Variants in ARSL observed in about 807,000 individuals in gnomAD.
The protein encoded by ARSL is arylsulfatase L, also known as arylsulfatase E (chondrodysplasia punctata 1).
A neutral mutation model predicts 31.1 loss-of-function variants in ARSL; 4 were observed. The ratio of observed to expected loss-of-function variants is 0.13; its 90% CI spans 0.06 to 0.29. The LOEUF is 0.29. Among genes scored for constraint, ARSL ranks in the 10% least tolerant of loss-of-function variants. ARSL has a pLI of 1.00. For missense variants in ARSL, 312 were observed against 497.8 expected (o/e 0.63, Z 3.55); for synonymous variants, 198 against 209.9 (o/e 0.94, Z 0.49).
chrX:2,938,769 TA>T (rs1168801656), intron 8 of ARSL, among the ~76,000 whole-genome samples: 16 of 111,683 alleles, frequency 1.4e-4, no homozygotes, highest in African/African-American at 5.2e-4. Flanking sequence ...TATTTGGAAA[TA>T]GGGGGTTTGC....
At chrX:2,963,861 G>T (rs753580731) in intron 1 of ARSL, among the ~76,000 whole-genome samples, 1 of 109,379 alleles carries the variant, frequency 9.1e-6, no homozygotes, top group Non-Finnish European at 1.9e-5. Flanking sequence ...TCTTTCTCCC[G>T]CAATGTTATG....
intron 1 of ARSL, among the ~76,000 whole-genome samples, chrX:2,961,435 G>C (rs1216763122): frequency 9.0e-6 from 1 of 111,605 alleles, no homozygotes; most frequent in East Asian, 2.8e-4. Context: ...GGGGTCTGGA[G>C]AGTCATGCCC....
Position 2,955,438 on chromosome X carries a change from C to G in ARSL, c.285G>C (p.Thr95=). The G allele has an allele frequency of 8.3e-7, 1 of 1,211,783 alleles. No homozygotes were observed. Among genetic ancestry groups the G allele is most frequent in the Non-Finnish European group, 1.1e-6 (1 of 895,362 alleles). Residue 95 remains threonine, a synonymous_variant, in exon 4 of 11, where the codon ACG becomes ACC. Coordinates refer to ENST00000381134, the MANE Select transcript of ARSL (RefSeq NM_000047.3). The stretch of plus-strand genomic sequence containing the variant: ...GACCTGATCGCACAGGGTATCTGCC[C>G]GTGAGGAAGGCGGCTCTGCTTGGGG... ...LCTPSRAAFL[T]GRYPVRSGMV...
In ARSL at chrX:2,938,008, A is replaced by C. The variant is rs1416572867; in HGVS notation, c.1289+87T>G. The C allele has an allele frequency of 3.4e-6, 4 of 1,175,913 alleles. No homozygotes were observed. The African/African-American group carries it at 7.0e-5, about 21-fold the overall frequency. Reference sequence around the variant, plus strand: ...CGGGGAACAATTTCAGGGACGCCTTACTGCAAAGCCAAAGTGACATGTTCA... The same window carrying C: ...CGGGGAACAATTTCAGGGACGCCTTCCTGCAAAGCCAAAGTGACATGTTCA... On this transcript the variant is annotated intron_variant, in intron 9 of 10. Coordinates refer to ENST00000381134, the MANE Select transcript of ARSL (RefSeq NM_000047.3).
At chrX:2,964,449 A>G (rs1043454547), upstream of ARSL, 8 of 750,641 alleles carry the variant, frequency 1.1e-5, no homozygotes, top group Non-Finnish European at 9.4e-6. Context: ...GCCCACGTCT[A>G]CCAAACCAGT....
chrX:2,945,060 G>A (rs1016450330), intron 7 of ARSL, among the ~76,000 whole-genome samples: 2 of 110,217 alleles, frequency 1.8e-5, no homozygotes, highest in African/African-American at 6.6e-5. Context: ...AGAGGAGGAG[G>A]AAAACAAAGG....
chrX:2,961,221 G>A (rs1259996832), intron 1 of ARSL, among the ~76,000 whole-genome samples: 1 of 111,382 alleles, frequency 9.0e-6, no homozygotes, highest in African/African-American at 3.3e-5. Flanking sequence ...GCACAGAGGG[G>A]CGGCCCCTCA....
At chrX:2,937,799 C>T (rs1386667518) in intron 9 of ARSL, among the ~76,000 whole-genome samples, 1 of 111,850 alleles carries the variant, frequency 8.9e-6, no homozygotes, top group East Asian at 2.8e-4. Flanking sequence ...TGCACGCTTA[C>T]ATGTGGACAT....
intron 10 of ARSL, among the ~76,000 whole-genome samples, chrX:2,936,293 A>G (rs1379631774): frequency 9.0e-6 from 1 of 110,858 alleles, no homozygotes; most frequent in Non-Finnish European, 1.9e-5. Flanking sequence ...CCTGAGCGAC[A>G]AAGACTAGTC....
chrX:2,942,373 C>T (rs954392905), intron 8 of ARSL, among the ~76,000 whole-genome samples: 3 of 111,261 alleles, frequency 2.7e-5, no homozygotes, highest in Admixed American at 1.9e-4. Context: ...CTCACTGCAA[C>T]CTCCGCCTCC....
chrX:2,944,580 T>A (rs923237331), intron 7 of ARSL, among the ~76,000 whole-genome samples: 3 of 110,682 alleles, frequency 2.7e-5, no homozygotes, highest in Non-Finnish European at 3.8e-5. Flanking sequence ...TTTTTTTTTT[T>A]AAATACGTCG....
chrX:2,955,852 C>A (rs772520820), intron 3 of ARSL, among the ~76,000 whole-genome samples: 2 of 111,984 alleles, frequency 1.8e-5, no homozygotes, highest in Non-Finnish European at 3.8e-5. Flanking sequence ...TGGCGAGACC[C>A]TGTCTCTACA....
intron 5 of ARSL, among the ~76,000 whole-genome samples, chrX:2,950,767 G>A (rs977014516): frequency 3.6e-5 from 4 of 111,612 alleles, no homozygotes; most frequent in African/African-American, 6.5e-5. Flanking sequence ...TATTAGCAGC[G>A]TGAGAACAGA....
At chrX:2,960,013 TA>T (rs2089587312) in intron 2 of ARSL, 1 of 215,331 alleles carries the variant, frequency 4.6e-6, no homozygotes, top group Non-Finnish European at 8.2e-6. Context: ...CTCACGCCTG[TA>T]ATCCCAGCAC....
At chrX:2,943,508 G>A (rs1341507509) in intron 7 of ARSL, among the ~76,000 whole-genome samples, 1 of 109,874 alleles carries the variant, frequency 9.1e-6, no homozygotes, top group East Asian at 2.8e-4. Flanking sequence ...TTAGGAGGCC[G>A]AGGCAGGAGG....
At chrX:2,954,891 A>G (rs889487460) in intron 4 of ARSL, among the ~76,000 whole-genome samples, 1 of 111,646 alleles carries the variant, frequency 9.0e-6, no homozygotes, top group Non-Finnish European at 1.9e-5. Flanking sequence ...TGGGCAAGGT[A>G]GGGTAAGCCG....
rs2089429504 is a variant in ARSL, at chrX:2,949,346, G to A, written c.812C>T (p.Thr271Met). 1.7e-5 allele frequency: 20 copies of A among 1,211,722 alleles called. No individual in the cohort carries two copies. The highest frequency in any genetic ancestry group is 4.4e-5 in the Admixed American group (2 of 45,970). Residue 271 changes from threonine (T) to methionine (M), a missense_variant, in exon 6 of 11, where the codon ACG becomes ATG. By Grantham distance (81) the Thr-to-Met change is moderately conservative (BLOSUM62 -1). Coordinates refer to ENST00000381134, the MANE Select transcript of ARSL (RefSeq NM_000047.3). ...ITEQPMCFQR[T>M]TPLILQEVAS... ...AACCTCCTGCAGAATAAGGGGTGTC[G>A]TTCTTTGGAAGCACATGGGCTGCTC...
Position 2,953,242 on chromosome X carries a change from G to T in ARSL, c.331C>A (p.Arg111Ser). ...RSGMVSSIGY[R>S]VLQWTGASGG... ...GATGCTCCGGTCCACTGAAGAACAC[G>T]GTAACCAATGCTGGAAACCATCCCT... is the stretch of plus-strand genomic sequence containing the variant. The change falls in exon 5 of 11, where the codon CGT becomes AGT. Residue 111 changes from arginine to serine, a missense_variant. Arg to Ser is a moderately radical substitution (Grantham distance 110). Coordinates refer to ENST00000381134, the MANE Select transcript of ARSL (RefSeq NM_000047.3). The T allele has an allele frequency of 8.3e-7, 1 of 1,209,498 alleles. No homozygotes were observed. Among genetic ancestry groups the T allele is most frequent in the South Asian group, 1.8e-5 (1 of 56,899 alleles).
At chrX:2,943,240 A>G (rs753756166) in intron 7 of ARSL, 41 bp from the exon 8 acceptor site, 2 of 1,200,290 alleles carry the variant, frequency 1.7e-6, no homozygotes, top group African/African-American at 1.8e-5. Flanking sequence ...GAAATGGAAA[A>G]ATATCAGAAA....
Sources: allele counts gnomAD v4.1 joint callset (sites outside exome capture counted in the v4.1 genomes callset), GRCh38; gene constraint gnomAD v4.1.1; transcripts MANE v1.5; gene names NCBI Gene and HGNC (gene_info 2026-07-23, HGNC 2026-07-21).